ZNF782: variants seen among roughly 807,000 people sequenced by gnomAD.
ZNF782 encodes zinc finger protein 782.
Under a neutral mutation model 13.0 loss-of-function variants are expected in ZNF782, and 12 were observed. The observed-to-expected ratio is 0.92, with a 90% CI of 0.59 to 1.50. The LOEUF is 1.50. Among genes scored for constraint, ZNF782 ranks in the 40% most tolerant of loss-of-function variants. ZNF782 has a pLI of 0.00. For missense variants in ZNF782, 770 were observed against 822.9 expected (o/e 0.94, Z 0.79); for synonymous variants, 284 against 283.0 (o/e 1.00, Z -0.04).
the ZNF782 span, among the ~76,000 whole-genome samples, chr9:96,885,396 G>A: frequency 6.6e-6 from 1 of 151,948 alleles, no homozygotes; most frequent in Non-Finnish European, 1.5e-5. Context: ...CATAAAAGAG[G>A]ATAAAATCAA....
At chr9:96,933,125 C>A in the ZNF782 span, among the ~76,000 whole-genome samples, 1 of 151,118 alleles carries the variant, frequency 6.6e-6, no homozygotes, top group Admixed American at 6.6e-5. Flanking sequence ...CTACAGGTGC[C>A]CGCCACCATG....
the ZNF782 span, chr9:96,888,296 C>G: frequency 6.6e-6 from 1 of 151,784 alleles, no homozygotes; most frequent in Non-Finnish European, 1.5e-5. Context: ...ATTACTGGAG[C>G]AAAGAGGGAC....
the ZNF782 span, among the ~76,000 whole-genome samples, chr9:96,912,708 T>TA: frequency 6.6e-6 from 1 of 151,186 alleles, no homozygotes; most frequent in Admixed American, 6.6e-5. Context: ...TTTGTATTTT[T>TA]AGTAGAGACG....
At chr9:96,854,953 A>G (rs1851620107), upstream of ZNF782, among the ~76,000 whole-genome samples, 1 of 152,136 alleles carries the variant, frequency 6.6e-6, no homozygotes, top group African/African-American at 2.4e-5. Context: ...AGTATTTAGC[A>G]TTGAAATGAT....
At chr9:96,826,755 G>C (rs964381066) in intron 5 of ZNF782, among the ~76,000 whole-genome samples, 2 of 152,114 alleles carry the variant, frequency 1.3e-5, no homozygotes, top group African/African-American at 2.4e-5. Flanking sequence ...CTCACAGTCT[G>C]TAATTTTGGC....
intron 1 of ZNF782, among the ~76,000 whole-genome samples, chr9:96,874,851 G>A (rs1015722889): frequency 6.6e-6 from 1 of 152,176 alleles, no homozygotes; most frequent in African/African-American, 2.4e-5. Flanking sequence ...ACACAAACCT[G>A]GCCCTCTGGA....
At chr9:96,902,473 A>G in the ZNF782 span, among the ~76,000 whole-genome samples, 1 of 130,978 alleles carries the variant, frequency 7.6e-6, no homozygotes, top group Non-Finnish European at 1.5e-5. Context: ...ATTTACTTTC[A>G]TTGTCTCATG....
upstream of ZNF782, among the ~76,000 whole-genome samples, chr9:96,856,729 G>GAT (rs3831136): frequency 0.087 from 13,196 of 152,236 alleles, 1,464 homozygotes; most frequent in African/African-American, 0.26. Flanking sequence ...TAATTCATGA[G>GAT]TAACCCTGCT....
At chr9:96,844,835 G>C in intron 4 of ZNF782, 55 bp downstream of exon 4, 1 of 1,612,666 alleles carries the variant, frequency 6.2e-7, no homozygotes, top group South Asian at 1.1e-5. Flanking sequence ...GAGAGAGAAA[G>C]AGAGGAGAAA....
Position 96,854,115 on chromosome 9 carries a change from G to A in ZNF782, c.-289C>T, listed in dbSNP as rs1186618683. On this transcript the variant is annotated 5_prime_UTR_variant, in exon 1 of 6. Coordinates refer to ENST00000481138, the MANE Select transcript of ZNF782 (RefSeq NM_001001662.3). Reference sequence around the variant, plus strand: ...GGGTTTTTCCAGCTCCAGAGCTCGGGGTCTCGATGCAGACCCACCGTCCGG... The same window carrying A: ...GGGTTTTTCCAGCTCCAGAGCTCGGAGTCTCGATGCAGACCCACCGTCCGG... 6.6e-6 allele frequency: 1 copy of A among 152,138 alleles called. No individual in the cohort carries two copies. The highest frequency in any genetic ancestry group is 2.4e-5 in the African/African-American group (1 of 41,428). The allele number at this position is 152,138 out of a possible 1,614,324, so 9.4% of individuals were successfully genotyped here. A position where few individuals can be genotyped will look rare whatever the true frequency, so the allele number is the denominator to read the frequency against.
the ZNF782 span, among the ~76,000 whole-genome samples, chr9:96,885,639 G>T: frequency 6.6e-6 from 1 of 152,142 alleles, no homozygotes; most frequent in South Asian, 2.1e-4. Context: ...TGAAGAATCT[G>T]AGTGATTCCC....
chr9:96,909,577 G>C, the ZNF782 span, among the ~76,000 whole-genome samples: 122 of 151,128 alleles, frequency 8.1e-4, no homozygotes, highest in African/African-American at 2.8e-3. Context: ...TTTTGCAACA[G>C]ATGTTACTCT....
the ZNF782 span, chr9:96,931,831 C>A: frequency 6.2e-7 from 1 of 1,612,350 alleles, no homozygotes; most frequent in Non-Finnish European, 8.5e-7. Flanking sequence ...ACAGGCCGCC[C>A]CTCGTGACTG....
chr9:96,828,752 A>G (rs1850708546), intron 4 of ZNF782, among the ~76,000 whole-genome samples: 1 of 152,204 alleles, frequency 6.6e-6, no homozygotes, highest in Admixed American at 6.5e-5. Flanking sequence ...AAAAAAGGAA[A>G]GGGAGAGAAA....
chr9:96,933,358 T>C, the ZNF782 span, among the ~76,000 whole-genome samples: 721 of 150,784 alleles, frequency 4.8e-3, 5 homozygotes, highest in African/African-American at 0.017. Flanking sequence ...GAGCCACGGT[T>C]TGGGTTTAGG....
At chr9:96,874,598 C>T (rs1472123608) in intron 1 of ZNF782, among the ~76,000 whole-genome samples, 1 of 152,166 alleles carries the variant, frequency 6.6e-6, no homozygotes, top group Non-Finnish European at 1.5e-5. Context: ...ATGACATCAC[C>T]AGATCCAGCT....
At chr9:96,880,523 G>A (rs570407849), upstream of ZNF782, among the ~76,000 whole-genome samples, 44 of 152,140 alleles carry the variant, frequency 2.9e-4, no homozygotes, top group Non-Finnish European at 6.2e-4. Context: ...TGCTTTTGCC[G>A]CATCAACTGA....
the ZNF782 span, chr9:96,889,769 T>C: frequency 4.6e-5 from 7 of 152,218 alleles, no homozygotes; most frequent in African/African-American, 1.7e-4. Context: ...CATATATATG[T>C]ATGTGTGTGT....
At chr9:96,826,967 G>C in intron 5 of ZNF782, 113 bp downstream of exon 5, 1 of 664,140 alleles carries the variant, frequency 1.5e-6, no homozygotes, top group Non-Finnish European at 2.4e-6. Flanking sequence ...GCTGATTTTT[G>C]TTTGTATTTT....
Sources: gnomAD v4.1 joint callset for allele counts (sites outside exome capture counted in the v4.1 genomes callset) on GRCh38, gnomAD v4.1.1 for gene constraint, MANE v1.5 for transcripts, NCBI Gene and HGNC (gene_info 2026-07-23, HGNC 2026-07-21) for gene names.